The following MS4A4A variants were observed in gnomAD, a reference collection of about 807,000 sequenced individuals.
MS4A4A encodes the protein membrane spanning 4-domains A4A.
A neutral mutation model predicts 28.0 loss-of-function variants in MS4A4A; 26 were observed. The ratio of observed to expected loss-of-function variants is 0.93; its 90% CI spans 0.68 to 1.29. The LOEUF (loss-of-function observed/expected upper bound fraction) is 1.29. Ranked by LOEUF, MS4A4A falls within the 50% of genes most tolerant of loss-of-function variation. The pLI, the probability that MS4A4A is intolerant of heterozygous loss-of-function variation, is 0.00. For synonymous variants in MS4A4A, 86 were observed against 100.8 expected, an observed-to-expected ratio of 0.85 and a Z score of 0.88; for missense variants, 290 against 293.1, an observed-to-expected ratio of 0.99 and a Z score of 0.08.
At chr11:60,285,285 C>T (rs542840029) in intron 1 of MS4A4A, among the ~76,000 whole-genome samples, 10 of 152,318 alleles carry the variant, frequency 6.6e-5, no homozygotes, top group African/African-American at 2.2e-4. Flanking sequence ...GGGAAGATCA[C>T]TTGAGCCCTG....
chr11:60,282,863 T>C, intron 1 of MS4A4A: 1 of 676,310 alleles, frequency 1.5e-6, no homozygotes. Flanking sequence ...GTGACTCAAT[T>C]GTTTTTGTAT....
Position 60,291,906 on chromosome 11 carries a change from G to A in MS4A4A, c.42-319G>A, listed in dbSNP as rs571601104. Among the ~76,000 whole-genome samples the A allele has an allele frequency of 1.2e-4, 18 of 152,092 alleles. No individual in the cohort carries two copies. The East Asian group carries it at 2.1e-3, about 18-fold the overall frequency. ...GAGGGATAGAAATAAAATCTGAGCCGACTTGGAATTGGAACTTAAAGAAAT... is the reference window on the plus strand; with the variant it reads ...GAGGGATAGAAATAAAATCTGAGCCAACTTGGAATTGGAACTTAAAGAAAT... On this transcript the variant is annotated intron_variant, in intron 1 of 6. Coordinates refer to ENST00000337908, the MANE Select transcript of MS4A4A (RefSeq NM_148975.3).
At chr11:60,305,820 C>G (rs1228038708) in intron 5 of MS4A4A, 1 of 365,246 alleles carries the variant, frequency 2.7e-6, no homozygotes, top group East Asian at 5.2e-5. Flanking sequence ...TATCTTTATA[C>G]TACCTTCCTA....
intron 1 of MS4A4A, among the ~76,000 whole-genome samples, chr11:60,287,406 C>T (rs566257208): frequency 1.6e-4 from 24 of 152,282 alleles, no homozygotes; most frequent in African/African-American, 4.8e-4. Context: ...GATAACTAAC[C>T]TTCTCCAAGG....
At chr11:60,282,640 T>C (rs1445761161) in intron 1 of MS4A4A, 1 of 1,286,830 alleles carries the variant, frequency 7.8e-7, no homozygotes, top group Non-Finnish European at 1.0e-6. Context: ...TTTCAATATA[T>C]GCAGATGTCT....
chr11:60,297,794 T>A (rs936296140), intron 3 of MS4A4A, among the ~76,000 whole-genome samples: 1 of 152,206 alleles, frequency 6.6e-6, no homozygotes, highest in South Asian at 2.1e-4. Flanking sequence ...TTGCCATTAT[T>A]GGCTTGGACT....
At chr11:60,300,615 C>CAAAAAAAAA (rs760648433) in intron 3 of MS4A4A, among the ~76,000 whole-genome samples, 891 of 35,824 alleles carry the variant, frequency 0.025, 51 homozygotes, top group Non-Finnish European at 0.032. Context: ...GACTCCGTCT[C>CAAAAAAAAA]AAAAAAAAAA....
intron 3 of MS4A4A, among the ~76,000 whole-genome samples, chr11:60,299,284 T>C (rs2135026680): frequency 6.6e-6 from 1 of 152,316 alleles, no homozygotes; most frequent in African/African-American, 2.4e-5. Flanking sequence ...ACTATTTTTC[T>C]TATGTAATTA....
intron 3 of MS4A4A, among the ~76,000 whole-genome samples, chr11:60,299,396 TAAAG>T: frequency 1.3e-5 from 2 of 149,622 alleles, no homozygotes; most frequent in Non-Finnish European, 3.0e-5. Flanking sequence ...TTAAACATAA[TAAAG>T]ACTTTTAGAC....
chr11:60,290,486 A>G (rs546556786), intron 1 of MS4A4A, among the ~76,000 whole-genome samples: 1 of 152,280 alleles, frequency 6.6e-6, no homozygotes, highest in African/African-American at 2.4e-5. Context: ...GAACTTTTCT[A>G]AAAGTGAAAA....
At chr11:60,305,206 A>G (rs950497053) in intron 5 of MS4A4A, among the ~76,000 whole-genome samples, 10 of 152,262 alleles carry the variant, frequency 6.6e-5, no homozygotes, top group African/African-American at 2.2e-4. Context: ...TGCTCTGGGC[A>G]GATGGATTAA....
intron 1 of MS4A4A, chr11:60,282,472 C>A: frequency 1.2e-6 from 1 of 820,818 alleles, no homozygotes; most frequent in Non-Finnish European, 1.7e-6. Flanking sequence ...GCTGACTAAT[C>A]CACATGTGGG....
At chr11:60,296,492 T>C (rs2084906590) in intron 2 of MS4A4A, among the ~76,000 whole-genome samples, 1 of 152,088 alleles carries the variant, frequency 6.6e-6, no homozygotes, top group African/African-American at 2.4e-5. Flanking sequence ...ATTTCTATTA[T>C]AGCTCTTCTT....
Position 60,280,732 on chromosome 11 carries a change from TG to T in MS4A4A, c.41+17del, listed in dbSNP as rs2084748459. The T allele has an allele frequency of 6.2e-7, 1 of 1,613,212 alleles. No homozygotes were observed. The highest frequency in any genetic ancestry group is 2.2e-5 in the East Asian group (1 of 44,872). The stretch of plus-strand genomic sequence containing the variant: ...CTGAAGAAAGGTAGGTCCAGGGACT[TG>T]CCTTCCTAGGCTTTCGGGCTGATGG... On this transcript the variant is annotated intron_variant, in intron 1 of 6. Coordinates refer to ENST00000337908, the MANE Select transcript of MS4A4A (RefSeq NM_148975.3).
At chr11:60,287,287 G>T (rs2084811121) in intron 1 of MS4A4A, among the ~76,000 whole-genome samples, 1 of 152,152 alleles carries the variant, frequency 6.6e-6, no homozygotes, top group Admixed American at 6.5e-5. Flanking sequence ...GGCATGCATG[G>T]TGTAAACCTC....
At chr11:60,307,196 G>A (rs932575686) in intron 6 of MS4A4A, among the ~76,000 whole-genome samples, 14 of 152,122 alleles carry the variant, frequency 9.2e-5, no homozygotes, top group Non-Finnish European at 1.6e-4. Context: ...TTGATGAGAC[G>A]GTTCTTCTGG....
chr11:60,299,181 G>C (rs2084929563), intron 3 of MS4A4A, among the ~76,000 whole-genome samples: 1 of 152,084 alleles, frequency 6.6e-6, no homozygotes. Flanking sequence ...TGAATTTTTA[G>C]AATAGTTTAT....
intron 1 of MS4A4A, among the ~76,000 whole-genome samples, chr11:60,291,796 C>CAAAAAAAAAAAAAAAAAAAAAAAAAAAA (rs60913455): frequency 7.5e-6 from 1 of 133,962 alleles, no homozygotes; most frequent in South Asian, 2.6e-4. Flanking sequence ...GACTCCATCT[C>CAAAAAAAAAAAAAAAAAAAAAAAAAAAA]AAAAAAAAAA....
chr11:60,290,741 C>T (rs978362993), intron 1 of MS4A4A, among the ~76,000 whole-genome samples: 1 of 151,812 alleles, frequency 6.6e-6, no homozygotes, highest in African/African-American at 2.4e-5. Flanking sequence ...TAACGTTTCT[C>T]CTCTATCTTT....
Sources: gnomAD v4.1 joint callset for allele counts (sites outside exome capture counted in the v4.1 genomes callset) on GRCh38, gnomAD v4.1.1 for gene constraint, MANE v1.5 for transcripts, NCBI Gene and HGNC (gene_info 2026-07-23, HGNC 2026-07-21) for gene names.